ABCB1: variants seen among roughly 807,000 people sequenced by gnomAD.
ABCB1 encodes ATP binding cassette subfamily B member 1, also known as ATP-dependent translocase ABCB1.
ABCB1 carries 69 observed loss-of-function variants against 142.0 expected under a neutral mutation model. The observed-to-expected ratio is 0.49, with a 90% CI of 0.40 to 0.59. ABCB1 has a LOEUF of 0.59. Among genes scored for constraint, ABCB1 ranks in the 20% least tolerant of loss-of-function variants. The probability of loss-of-function intolerance (pLI) is 0.00; values close to 1 mark genes in which losing one functional copy is unlikely to be tolerated. For synonymous variants in ABCB1, 532 were observed against 539.2 expected, an observed-to-expected ratio of 0.99 and a Z score of 0.18; for missense variants, 1,326 against 1,554.7, an observed-to-expected ratio of 0.85 and a Z score of 2.47.
chr7:87,539,381 C>T, intron 18 of ABCB1, 36 bp from the exon 19 acceptor site: 1 of 1,589,008 alleles, frequency 6.3e-7, no homozygotes, highest in South Asian at 1.1e-5. Context: ...GGGACCCAGC[C>T]ACCATTTAAA....
intron 4 of ABCB1, among the ~76,000 whole-genome samples, chr7:87,581,123 A>T (rs539540616): frequency 2.8e-4 from 43 of 151,786 alleles, no homozygotes; most frequent in South Asian, 1.9e-3. Flanking sequence ...TCATTTTTTA[A>T]CCTTTTAAGT....
At chr7:87,620,632 A>C (rs1334138007) in intron 1 of ABCB1, among the ~76,000 whole-genome samples, 1 of 152,188 alleles carries the variant, frequency 6.6e-6, no homozygotes, top group Admixed American at 6.5e-5. Flanking sequence ...TGTTCCACTA[A>C]CTTCACCATT....
intron 23 of ABCB1, among the ~76,000 whole-genome samples, chr7:87,518,131 C>T (rs1815332082): frequency 6.6e-6 from 1 of 152,170 alleles, no homozygotes; most frequent in Non-Finnish European, 1.5e-5. Context: ...GCTTTCTTTC[C>T]TCTGGACTCT....
chr7:87,573,549 C>A (rs980807738), intron 4 of ABCB1, among the ~76,000 whole-genome samples: 1 of 152,154 alleles, frequency 6.6e-6, no homozygotes. Flanking sequence ...AATCTTTCTA[C>A]CCCAGTTAGG....
At chr7:87,630,408 C>T (rs966820034) in intron 1 of ABCB1, among the ~76,000 whole-genome samples, 4 of 151,996 alleles carry the variant, frequency 2.6e-5, no homozygotes, top group African/African-American at 9.7e-5. Context: ...ATATGGTATC[C>T]GTTTAATTTG....
chr7:87,676,982 G>A (rs1041131091), intron 1 of ABCB1, among the ~76,000 whole-genome samples: 3 of 152,086 alleles, frequency 2.0e-5, no homozygotes, highest in Non-Finnish European at 4.4e-5. Flanking sequence ...GATAACAAGT[G>A]TTGGCAAGGA....
intron 1 of ABCB1, among the ~76,000 whole-genome samples, chr7:87,679,397 A>G (rs1005931291): frequency 2.7e-5 from 4 of 148,318 alleles, no homozygotes. Context: ...CCGGCCCCCA[A>G]CTTTTTTTTA....
chr7:87,579,697 G>A lies in ABCB1; in HGVS notation c.286+5815C>T, dbSNP rs1010372401. Among the ~76,000 whole-genome samples the A allele has an allele frequency of 3.9e-5, 6 of 151,964 alleles. No homozygotes were observed. In the East Asian group the frequency reaches 1.2e-3, roughly 29 times the overall value. ...AAGACTTACTCCTGCCATTTTGTTT[G>A]TTGTTTTTTGTGATCTTCTCTTCCT... On this transcript the variant is annotated intron_variant, in intron 4 of 27. Transcript: ENST00000622132.
At chr7:87,660,740 A>G (rs78551386) in intron 1 of ABCB1, among the ~76,000 whole-genome samples, 135 of 151,960 alleles carry the variant, frequency 8.9e-4, no homozygotes, top group East Asian at 8.1e-3. Context: ...GCTTTGGCTA[A>G]ATTTATGTTT....
intron 14 of ABCB1, among the ~76,000 whole-genome samples, chr7:87,547,586 G>A (rs1273729714): frequency 6.6e-6 from 1 of 151,586 alleles, no homozygotes; most frequent in African/African-American, 2.4e-5. Context: ...AAAATAGCTG[G>A]GGGCTGGGCA....
intron 20 of ABCB1, among the ~76,000 whole-genome samples, chr7:87,535,798 G>C (rs1816262140): frequency 1.3e-5 from 2 of 152,134 alleles, no homozygotes; most frequent in Admixed American, 1.3e-4. Flanking sequence ...GAGGGGAAAA[G>C]ACACACCAGA....
chr7:87,549,525 C>G lies in ABCB1; in HGVS notation c.1555-7G>C. ...CAACCAGGGTGTCAAATTTCTACCA[C>G]AGAAAACCCAGAATGATTTAGCATA... On this transcript the variant is annotated splice_polypyrimidine_tract_variant and splice_region_variant and intron_variant, in intron 13 of 27. Transcript: ENST00000622132. The G allele has an allele frequency of 6.2e-7, 1 of 1,614,210 alleles. No individual in the cohort carries two copies. The highest frequency in any genetic ancestry group is 8.5e-7 in the Non-Finnish European group (1 of 1,180,036).
chr7:87,615,164 C>T (rs1207896381), intron 1 of ABCB1, among the ~76,000 whole-genome samples: 1 of 152,152 alleles, frequency 6.6e-6, no homozygotes, highest in Non-Finnish European at 1.5e-5. Flanking sequence ...TGCATTGTTT[C>T]TTATCTCTCC....
intron 1 of ABCB1, among the ~76,000 whole-genome samples, chr7:87,663,584 A>G (rs1402705821): frequency 6.6e-6 from 1 of 152,152 alleles, no homozygotes; most frequent in African/African-American, 2.4e-5. Context: ...AATCTTTTAA[A>G]ATACTGTATA....
chr7:87,681,974 A>G (rs528599178), intron 1 of ABCB1, among the ~76,000 whole-genome samples: 5 of 152,356 alleles, frequency 3.3e-5, no homozygotes, highest in African/African-American at 1.2e-4. Context: ...ATTGGAGTCA[A>G]TACTCTCAAA....
At chr7:87,713,252 T>C (rs976289286) in exon 1 of ABCB1, 10 of 152,154 alleles carry the variant, frequency 6.6e-5, no homozygotes, top group African/African-American at 2.4e-4. Context: ...CTGAATAAAG[T>C]AGATTTCTTC....
chr7:87,600,437 A>T (rs1157996374), intron 1 of ABCB1, among the ~76,000 whole-genome samples: 1 of 152,028 alleles, frequency 6.6e-6, no homozygotes, highest in Non-Finnish European at 1.5e-5. Context: ...CGCCAGTGCG[A>T]TTCTCCCTCC....
intron 1 of ABCB1, among the ~76,000 whole-genome samples, chr7:87,692,789 T>C (rs889538181): frequency 6.6e-5 from 10 of 152,198 alleles, no homozygotes; most frequent in Admixed American, 6.5e-5. Context: ...GAAATTTCAT[T>C]TTTGTTTGTT....
At chr7:87,508,084 T>C (rs1280424318) in intron 26 of ABCB1, among the ~76,000 whole-genome samples, 2 of 152,140 alleles carry the variant, frequency 1.3e-5, no homozygotes, top group Non-Finnish European at 2.9e-5. Context: ...CTCAGCATCA[T>C]GCAATATACC....
Sources: allele counts gnomAD v4.1 joint callset (sites outside exome capture counted in the v4.1 genomes callset), GRCh38; gene constraint gnomAD v4.1.1; transcripts MANE v1.5; gene names NCBI Gene and HGNC (gene_info 2026-07-23, HGNC 2026-07-21).